ZFAND3: variants seen among roughly 807,000 people sequenced by gnomAD.
ZFAND3 encodes zinc finger AN1-type containing 3, also known as AN1-type zinc finger protein 3.
A neutral mutation model predicts 29.6 loss-of-function variants in ZFAND3; 10 were observed. The ratio of observed to expected loss-of-function variants is 0.34; its 90% CI spans 0.21 to 0.57. The LOEUF (loss-of-function observed/expected upper bound fraction) is 0.57. Among genes scored for constraint, ZFAND3 ranks in the 20% least tolerant of loss-of-function variants. The pLI, the probability that ZFAND3 is intolerant of heterozygous loss-of-function variation, is 0.86. For synonymous variants in ZFAND3, 128 were observed against 112.6 expected (o/e 1.14, Z -0.87); for missense variants, 230 against 304.5 (o/e 0.76, Z 1.82).
At chr6:37,957,499 C>A (rs1762105526) in intron 2 of ZFAND3, among the ~76,000 whole-genome samples, 1 of 151,944 alleles carries the variant, frequency 6.6e-6, no homozygotes, top group South Asian at 2.1e-4. Context: ...AACATGTATA[C>A]ATGTAAGTTG....
At chr6:37,857,050 C>T (rs563233294) in intron 1 of ZFAND3, among the ~76,000 whole-genome samples, 3 of 152,124 alleles carry the variant, frequency 2.0e-5, no homozygotes, top group African/African-American at 7.2e-5. Flanking sequence ...TCAAGCAATC[C>T]TCCCACTTCA....
intron 2 of ZFAND3, among the ~76,000 whole-genome samples, chr6:37,994,424 A>G (rs1160245974): frequency 6.6e-6 from 1 of 152,162 alleles, no homozygotes; most frequent in African/African-American, 2.4e-5. Context: ...CACTTCTTTG[A>G]TAGAGAGAGA....
At chr6:37,847,818 G>T (rs952921603) in intron 1 of ZFAND3, among the ~76,000 whole-genome samples, 3 of 152,146 alleles carry the variant, frequency 2.0e-5, no homozygotes. Context: ...AAGTATTTTT[G>T]TGTGAAAATT....
chr6:37,990,140 A>T (rs1437131402), intron 2 of ZFAND3, among the ~76,000 whole-genome samples: 5 of 152,154 alleles, frequency 3.3e-5, no homozygotes, highest in African/African-American at 1.2e-4. Flanking sequence ...CCACCTCCAG[A>T]ATTTGACTCT....
chr6:38,146,548 C>A (rs1398191487), intron 5 of ZFAND3, among the ~76,000 whole-genome samples: 1 of 152,214 alleles, frequency 6.6e-6, no homozygotes, highest in Non-Finnish European at 1.5e-5. Flanking sequence ...GAACGCAACT[C>A]AGGCATCCTT....
At chr6:38,039,708 C>A (rs1298169013) in intron 2 of ZFAND3, among the ~76,000 whole-genome samples, 1 of 152,104 alleles carries the variant, frequency 6.6e-6, no homozygotes, top group Non-Finnish European at 1.5e-5. Flanking sequence ...AGGAGACATT[C>A]CAGAGTCATG....
chr6:38,012,757 A>G (rs1763181102), intron 2 of ZFAND3, among the ~76,000 whole-genome samples: 2 of 152,122 alleles, frequency 1.3e-5, no homozygotes, highest in African/African-American at 4.8e-5. Flanking sequence ...GGCCTTTGAG[A>G]AAGTAGGGGA....
chr6:37,836,763 C>G (rs1763975821), intron 1 of ZFAND3, among the ~76,000 whole-genome samples: 1 of 152,046 alleles, frequency 6.6e-6, no homozygotes, highest in African/African-American at 2.4e-5. Flanking sequence ...TTAACACTTC[C>G]AATAATATAT....
chr6:38,128,723 GTTTC>G lies in ZFAND3; in HGVS notation c.529+11988_529+11991del, dbSNP rs527254782. On this transcript the variant is annotated intron_variant, in intron 5 of 5. Transcript: ENST00000287218. ...TATATATGTATATATATACACCACA[GTTTC>G]TTTATGCACTCATTGATTGATGGGC... 2.9e-3 allele frequency among the ~76,000 whole-genome samples: 435 copies of G among 152,146 alleles called. 4 individuals carry two copies. Among genetic ancestry groups the G allele is most frequent in the Non-Finnish European group, 4.0e-3 (274 of 68,002 alleles).
In ZFAND3 at chr6:37,937,653, C is replaced by CAAAAA. The variant is rs71542151; in HGVS notation, c.112+7670_112+7674dup. ...CTAGCGACAGAGCGAGACTCCGTCTCAAAAAAAAAAAAAAAAAAAAGGCAA... is the reference window on the plus strand; with the variant it reads ...CTAGCGACAGAGCGAGACTCCGTCTCAAAAAAAAAAAAAAAAAAAAAAAAAGGCAA... On this transcript the variant is annotated intron_variant, in intron 2 of 5. Transcript: ENST00000287218. Among the ~76,000 whole-genome samples, 34 of 85,424 alleles carry CAAAAA rather than the reference C, an allele frequency of 4.0e-4. 2 individuals carry two copies. In the East Asian group the frequency reaches 7.7e-3, roughly 19 times the overall value. The allele number at this position is 85,424 out of a possible 152,430, so 56.0% of individuals were successfully genotyped here.
Position 38,135,174 on chromosome 6 carries a change from G to A in ZFAND3, c.530-17061G>A, listed in dbSNP as rs542717930. 7.9e-5 allele frequency among the ~76,000 whole-genome samples: 12 copies of A among 152,310 alleles called. No homozygotes were observed. The East Asian group carries it at 2.1e-3, about 27-fold the overall frequency. ...AAGGAACAAGCCCTGGATAAGTTGG[G>A]AATAAGCGCTGAGAGGTGACACTCT... is the stretch of plus-strand genomic sequence containing the variant. On this transcript the variant is annotated intron_variant, in intron 5 of 5. Transcript: ENST00000287218.
intron 2 of ZFAND3, among the ~76,000 whole-genome samples, chr6:37,970,765 C>G (rs907042403): frequency 1.6e-4 from 24 of 152,054 alleles, no homozygotes; most frequent in East Asian, 5.8e-4. Context: ...ATTAGCCGGC[C>G]GTGGTGGCGG....
intron 1 of ZFAND3, among the ~76,000 whole-genome samples, chr6:37,842,553 C>T (rs1215372523): frequency 1.3e-5 from 2 of 152,068 alleles, no homozygotes; most frequent in Admixed American, 6.5e-5. Flanking sequence ...CAACCAGTTT[C>T]TCTATTCTCC....
At chr6:37,841,648 A>G (rs1297493692) in intron 1 of ZFAND3, among the ~76,000 whole-genome samples, 1 of 151,920 alleles carries the variant, frequency 6.6e-6, no homozygotes, top group African/African-American at 2.4e-5. Context: ...ATGCCCGGCT[A>G]ATTTTTTTGT....
chr6:38,141,393 A>G (rs891316651), intron 5 of ZFAND3, among the ~76,000 whole-genome samples: 4 of 152,188 alleles, frequency 2.6e-5, no homozygotes, highest in African/African-American at 4.8e-5. Flanking sequence ...GGCTTGCAGA[A>G]TACTCAGCTG....
intron 2 of ZFAND3, among the ~76,000 whole-genome samples, chr6:38,028,410 A>G (rs1763488251): frequency 6.6e-6 from 1 of 150,474 alleles, no homozygotes; most frequent in Non-Finnish European, 1.5e-5. Context: ...TTTTAGAAAT[A>G]CTCTATTCCC....
At chr6:37,889,130 G>A (rs1765049714) in intron 1 of ZFAND3, among the ~76,000 whole-genome samples, 1 of 152,110 alleles carries the variant, frequency 6.6e-6, no homozygotes, top group Non-Finnish European at 1.5e-5. Flanking sequence ...TCTCCATTAC[G>A]TAGTTAAAAA....
At chr6:37,976,177 T>C (rs1207423695) in intron 2 of ZFAND3, among the ~76,000 whole-genome samples, 2 of 152,224 alleles carry the variant, frequency 1.3e-5, no homozygotes, top group African/African-American at 2.4e-5. Context: ...ATGGTTCATA[T>C]ATTGATTTTG....
chr6:38,122,701 T>C (rs577903788), intron 5 of ZFAND3, among the ~76,000 whole-genome samples: 1 of 152,274 alleles, frequency 6.6e-6, no homozygotes, highest in Admixed American at 6.5e-5. Flanking sequence ...AGGTATTTGC[T>C]GGGCCCAAGA....
Sources: allele counts gnomAD v4.1 joint callset (sites outside exome capture counted in the v4.1 genomes callset), GRCh38; gene constraint gnomAD v4.1.1; transcripts MANE v1.5; gene names NCBI Gene and HGNC (gene_info 2026-07-23, HGNC 2026-07-21).